ALK: variants seen among roughly 807,000 people sequenced by gnomAD.
ALK encodes the protein ALK tyrosine kinase receptor.
Under a neutral mutation model 163.1 loss-of-function variants are expected in ALK, and 74 were observed. The observed-to-expected ratio is 0.45, with a 90% CI of 0.38 to 0.55. ALK has a LOEUF of 0.55. ALK is among the 20% of genes least tolerant of loss of function. The probability of loss-of-function intolerance (pLI) is 0.00; values close to 1 mark genes in which losing one functional copy is unlikely to be tolerated. For missense variants in ALK, 2,063 were observed against 2,105.3 expected (o/e 0.98, Z 0.39); for synonymous variants, 960 against 843.2 (o/e 1.14, Z -2.40).
chr2:29,639,527 G>C (rs1176502652), intron 3 of ALK, among the ~76,000 whole-genome samples: 1 of 152,124 alleles, frequency 6.6e-6, no homozygotes, highest in Admixed American at 6.5e-5. Flanking sequence ...AAAATAAAAA[G>C]CTACAAATAA....
At chr2:29,624,277 T>C (rs17041291) in intron 3 of ALK, among the ~76,000 whole-genome samples, 96,940 of 152,050 alleles carry the variant, frequency 0.64, 31,931 homozygotes, top group Middle Eastern at 0.75. Context: ...GAAAGGGACC[T>C]TTAAGTTTTT....
chr2:29,763,995 AGATCAC>A (rs1267323447), intron 1 of ALK, among the ~76,000 whole-genome samples: 2 of 152,176 alleles, frequency 1.3e-5, no homozygotes, highest in African/African-American at 4.8e-5. Flanking sequence ...GGGGAGGTGG[AGATCAC>A]TATCTCCAAG....
intron 1 of ALK, among the ~76,000 whole-genome samples, chr2:29,824,416 G>A (rs1369852085): frequency 6.6e-6 from 1 of 152,220 alleles, no homozygotes; most frequent in African/African-American, 2.4e-5. Context: ...TCCACTGACA[G>A]CTTGCACCAT....
intron 4 of ALK, among the ~76,000 whole-genome samples, chr2:29,453,690 A>AG (rs1670880026): frequency 6.6e-6 from 1 of 152,194 alleles, no homozygotes; most frequent in Non-Finnish European, 1.5e-5. Flanking sequence ...GAAAGATGGA[A>AG]TAGGAGAAAA....
At chr2:29,887,423 G>A (rs1430647039) in intron 1 of ALK, among the ~76,000 whole-genome samples, 7 of 152,188 alleles carry the variant, frequency 4.6e-5, no homozygotes, top group Non-Finnish European at 7.3e-5. Flanking sequence ...AGAGAATCAG[G>A]AGAAAGCTGC....
At chr2:29,240,171 AG>A (rs1664487951) in intron 12 of ALK, among the ~76,000 whole-genome samples, 2 of 151,222 alleles carry the variant, frequency 1.3e-5, no homozygotes, top group African/African-American at 4.9e-5. Flanking sequence ...AGAGAGAGAG[AG>A]AGAGAGAGAG....
At chr2:29,762,447 G>A (rs776021896) in intron 1 of ALK, among the ~76,000 whole-genome samples, 6 of 152,166 alleles carry the variant, frequency 3.9e-5, no homozygotes, top group African/African-American at 7.2e-5. Context: ...GCTGCGCAGA[G>A]GGTTGCGTTT....
At chr2:29,530,062 C>CT (rs10536963) in intron 4 of ALK, among the ~76,000 whole-genome samples, 229 of 101,896 alleles carry the variant, frequency 2.2e-3, no homozygotes, top group African/African-American at 6.8e-3. Context: ...AATAATCGCT[C>CT]TTTTTTTTTT....
intron 3 of ALK, among the ~76,000 whole-genome samples, chr2:29,564,227 T>G (rs972092878): frequency 1.3e-5 from 2 of 151,576 alleles, no homozygotes; most frequent in Admixed American, 6.6e-5. Flanking sequence ...GGGATAATAC[T>G]TGGCACCCCA....
At chr2:29,365,767 C>A (rs1668489654) in intron 5 of ALK, among the ~76,000 whole-genome samples, 1 of 152,148 alleles carries the variant, frequency 6.6e-6, no homozygotes, top group South Asian at 2.1e-4. Flanking sequence ...TCATAACTGT[C>A]ATGGAAATTT....
At chr2:29,420,111 G>A (rs1026608681) in intron 4 of ALK, among the ~76,000 whole-genome samples, 13 of 145,484 alleles carry the variant, frequency 8.9e-5, no homozygotes, top group African/African-American at 3.1e-4. Flanking sequence ...GAGTTGGGAT[G>A]GTGCCACTGC....
At chr2:29,651,067 G>A (rs757726605) in intron 3 of ALK, among the ~76,000 whole-genome samples, 1 of 152,076 alleles carries the variant, frequency 6.6e-6, no homozygotes, top group Non-Finnish European at 1.5e-5. Flanking sequence ...CACAGAAGCC[G>A]ATATGGGTGT....
chr2:29,772,161 C>G lies in ALK; in HGVS notation c.668-54464G>C, dbSNP rs114410242. On this transcript the variant is annotated intron_variant, in intron 1 of 28. Coordinates refer to ENST00000389048, the MANE Select transcript of ALK (RefSeq NM_004304.5). ...GATGAGATTGGTGGGATGGCAGAGG[C>G]TTCTGATACTTGGATTAGAAATACA... 5.6e-3 allele frequency among the ~76,000 whole-genome samples: 858 copies of G among 152,286 alleles called. 15 individuals are homozygous for G. The highest frequency in any genetic ancestry group is 0.019 in the African/African-American group (801 of 41,560).
At chr2:29,910,242 G>T (rs537104625) in intron 1 of ALK, among the ~76,000 whole-genome samples, 2 of 152,150 alleles carry the variant, frequency 1.3e-5, no homozygotes, top group East Asian at 1.9e-4. Flanking sequence ...CTTATTACAT[G>T]GGCTGGTTTA....
intron 13 of ALK, among the ~76,000 whole-genome samples, chr2:29,235,447 T>C (rs1446195291): frequency 6.6e-6 from 1 of 152,066 alleles, no homozygotes; most frequent in East Asian, 1.9e-4. Flanking sequence ...TGGAAATAAT[T>C]TGATATTTCT....
intron 8 of ALK, among the ~76,000 whole-genome samples, chr2:29,316,633 A>G (rs941972626): frequency 6.6e-6 from 1 of 152,196 alleles, no homozygotes; most frequent in Non-Finnish European, 1.5e-5. Context: ...CGGTGGGCCA[A>G]CCATCTGTCT....
At chr2:29,602,341 G>C (rs2148215283) in intron 3 of ALK, among the ~76,000 whole-genome samples, 1 of 152,212 alleles carries the variant, frequency 6.6e-6, no homozygotes, top group East Asian at 1.9e-4. Context: ...GTCAGGCCTG[G>C]GGAGGACCCA....
chr2:29,839,181 T>C (rs1665638229), intron 1 of ALK, among the ~76,000 whole-genome samples: 1 of 152,226 alleles, frequency 6.6e-6, no homozygotes. Context: ...GTTTATCTGT[T>C]TCTTTTCTAA....
chr2:29,659,418 C>G (rs4147243), intron 3 of ALK, among the ~76,000 whole-genome samples: 119,283 of 152,004 alleles, frequency 0.78, 47,294 homozygotes, highest in African/African-American at 0.9. Flanking sequence ...GGGGAGATGG[C>G]ATAGGGTCTC....
Sources: allele counts gnomAD v4.1 joint callset (sites outside exome capture counted in the v4.1 genomes callset), GRCh38; gene constraint gnomAD v4.1.1; transcripts MANE v1.5; gene names NCBI Gene and HGNC (gene_info 2026-07-23, HGNC 2026-07-21).